Variants in SERBP1 observed in about 807,000 individuals in gnomAD.
SERBP1 encodes SERPINE1 mRNA-binding protein 1.
A neutral mutation model predicts 50.2 loss-of-function variants in SERBP1; 6 were observed. That is an observed-to-expected ratio of 0.12 (90% confidence interval 0.07 to 0.24). The LOEUF (loss-of-function observed/expected upper bound fraction) is 0.24, where lower values mean the gene tolerates loss of function less well. Among genes scored for constraint, SERBP1 ranks in the 10% least tolerant of loss-of-function variants. SERBP1 has a pLI of 1.00. For missense variants in SERBP1, 346 were observed against 524.9 expected (o/e 0.66, Z 3.33); for synonymous variants, 168 against 182.8 (o/e 0.92, Z 0.65).
Position 67,430,014 on chromosome 1 carries a change from T to G in SERBP1, c.287A>C (p.Gln96Pro). ...TTCTTTCTTAAGCGCCACGGGCGGC[T>G]GCGTCTCCTCTTTCTTGTCAACCAC... The part of the protein sequence containing the change: ...VGVVDKKEET[Q>P]PPVALKKEGI... Residue 96 changes from glutamine (Q) to proline (P), a missense_variant, in exon 1 of 8, where the codon CAG (glutamine) becomes CCG (proline). Physicochemically the swap from Gln to Pro is moderately conservative, Grantham distance 76. This residue lies in a region of SERBP1 where 257 missense variants were observed against 331.2 expected (regional missense o/e 0.78). Coordinates refer to ENST00000361219, the MANE Select transcript of SERBP1 (RefSeq NM_001018069.2). 7 of 1,611,160 alleles carry G rather than the reference T, an allele frequency of 4.3e-6. No homozygotes were observed. The highest frequency in any genetic ancestry group is 5.9e-6 in the Non-Finnish European group (7 of 1,178,688).
Position 67,430,158 on chromosome 1 carries a change from C to G in SERBP1, c.143G>C (p.Gly48Ala), listed in dbSNP as rs755268965. 6.2e-7 allele frequency: 1 copy of G among 1,610,948 alleles called. No homozygotes were observed. Among genetic ancestry groups the G allele is most frequent in the Admixed American group, 1.7e-5 (1 of 59,852 alleles). ...CTGAGCTGCGCTCTTGGCCCCAGGG[C>G]CCCCAACGCCGCCCCCGCCGGCTTC... ...KKEAGGGGVG[G>A]PGAKSAAQAA... is the part of the protein sequence containing the mutation. Residue 48 changes from glycine (G) to alanine (A), a missense_variant, in exon 1 of 8, where the codon GGC (glycine) becomes GCC (alanine). Gly to Ala is a moderately conservative substitution (Grantham distance 60). This residue lies in a region of SERBP1 where 257 missense variants were observed against 331.2 expected (regional missense o/e 0.78). Coordinates refer to ENST00000361219, the MANE Select transcript of SERBP1 (RefSeq NM_001018069.2).
intron 1 of SERBP1, among the ~76,000 whole-genome samples, chr1:67,426,781 G>T (rs1667398859): frequency 6.6e-6 from 1 of 151,870 alleles, no homozygotes; most frequent in Non-Finnish European, 1.5e-5. Context: ...TCACAAAAGT[G>T]AGGGCCGCAC....
Position 67,430,234 on chromosome 1 carries a change from C to T in SERBP1, c.67G>A (p.Asp23Asn), listed in dbSNP as rs1335686666. ...VTNRFDQLFD[D>N]ESDPFEVLKA... Reference sequence around the variant, plus strand: ...AGCACCTCGAAGGGGTCCGATTCGTCGTCAAATAACTGGTCGAATCGGTTG... The same window carrying T: ...AGCACCTCGAAGGGGTCCGATTCGTTGTCAAATAACTGGTCGAATCGGTTG... The change falls in exon 1 of 8, where the codon GAC (aspartate) becomes AAC (asparagine). Residue 23 changes from aspartate (D) to asparagine (N), a missense_variant. Coordinates refer to ENST00000361219, the MANE Select transcript of SERBP1 (RefSeq NM_001018069.2). 1.3e-6 allele frequency: 2 copies of T among 1,592,176 alleles called. No individual in the cohort carries two copies.
Position 67,408,790 on chromosome 1 carries a change from T to A in SERBP1, c.*4417A>T, listed in dbSNP as rs904804096. The stretch of plus-strand genomic sequence containing the variant: ...ATACACCCCTTAACAGCTTTCAAAA[T>A]ATATTTTATGTTGCAGGCTACCTAT... On this transcript the variant is annotated 3_prime_UTR_variant, in exon 8 of 8. Transcript: ENST00000361219. 6.6e-6 allele frequency: 1 copy of A among 152,160 alleles called. No homozygotes were observed. Among genetic ancestry groups the A allele is most frequent in the African/African-American group, 2.4e-5 (1 of 41,450 alleles). 9.4% of individuals were successfully genotyped at this position (152,160 alleles called of 1,614,324 possible). A position where few individuals can be genotyped will look rare whatever the true frequency, so the allele number is the denominator to read the frequency against.
rs747128793 is a variant in SERBP1, at chr1:67,430,305, G to A, written c.-5C>T. On this transcript the variant is annotated 5_prime_UTR_variant, in exon 1 of 8. Transcript: ENST00000361219. The stretch of plus-strand genomic sequence containing the variant: ...TTCCTGTAAGTGCCCAGGCATGATG[G>A]TGGCTCGGCGGCGCGTTCCTCCACG... The A allele has an allele frequency of 2.2e-5, 33 of 1,489,960 alleles. No individual in the cohort carries two copies. Among genetic ancestry groups the A allele is most frequent in the Non-Finnish European group, 2.9e-5 (33 of 1,121,160 alleles). 92.3% of individuals were successfully genotyped at this position (1,489,960 alleles called of 1,614,324 possible). A position where few individuals can be genotyped will look rare whatever the true frequency, so the allele number is the denominator to read the frequency against.
In SERBP1 at chr1:67,425,089, T is replaced by A; in HGVS notation, c.599A>T (p.Asp200Val). Residue 200 changes from aspartate to valine, a missense_variant, in exon 3 of 8, where the codon GAT becomes GTT. Around this residue, in one of 5 missense-constraint regions of SERBP1, gnomAD observed 257 missense variants for 331.2 expected, o/e 0.78. Coordinates refer to ENST00000361219, the MANE Select transcript of SERBP1 (RefSeq NM_001018069.2). ...AAAAACCAGTAAGACTTACGATCTA[T>A]CACTTCCACTATGCCTATCAAATTC... ...KREFDRHSGS[D>V]RSSFSHYSGL... 6.2e-7 allele frequency: 1 copy of A among 1,610,126 alleles called. No individual in the cohort carries two copies. Among genetic ancestry groups the A allele is most frequent in the Non-Finnish European group, 8.5e-7 (1 of 1,179,262 alleles).
At chr1:67,419,861 T>C (rs958887512) in intron 6 of SERBP1, 148 bp downstream of exon 6, 4 of 669,914 alleles carry the variant, frequency 6.0e-6, no homozygotes, top group Non-Finnish European at 1.0e-5. Flanking sequence ...TACAGTTTAT[T>C]TTCCTTATAA....
intron 1 of SERBP1, among the ~76,000 whole-genome samples, chr1:67,427,715 G>A (rs914766641): frequency 2.0e-5 from 3 of 152,256 alleles, no homozygotes; most frequent in East Asian, 3.9e-4. Context: ...AATAGTTGGC[G>A]TCCCCACCCA....
chr1:67,413,096 G>C lies in SERBP1; in HGVS notation c.*111C>G. ...TTCAGTCTTTAGGTGTGAATGGTAT[G>C]AATGACAGTCTTTTTTTTTTTAATT... On this transcript the variant is annotated 3_prime_UTR_variant, in exon 8 of 8. Coordinates refer to ENST00000361219, the MANE Select transcript of SERBP1 (RefSeq NM_001018069.2). 1 of 1,337,296 alleles carries C rather than the reference G, an allele frequency of 7.5e-7. No individual in the cohort carries two copies. The highest frequency in any genetic ancestry group is 1.5e-5 in the South Asian group (1 of 65,456). The allele number at this position is 1,337,296 out of a possible 1,614,324, so 82.8% of individuals were successfully genotyped here.
intron 5 of SERBP1, among the ~76,000 whole-genome samples, chr1:67,422,204 G>A (rs113916960): frequency 3.3e-5 from 5 of 152,168 alleles, no homozygotes; most frequent in Admixed American, 2.0e-4. Context: ...CACCATAAGA[G>A]CAAATTCTTT....
In SERBP1 at chr1:67,413,086, TG is replaced by T. The variant is rs1294876322; in HGVS notation, c.*120del. 1 of 1,281,488 alleles carries T rather than the reference TG, an allele frequency of 7.8e-7. No individual in the cohort carries two copies. The highest frequency in any genetic ancestry group is 3.6e-5 in the Admixed American group (1 of 27,902). 79.4% of individuals were successfully genotyped at this position (1,281,488 alleles called of 1,614,324 possible). On this transcript the variant is annotated 3_prime_UTR_variant, in exon 8 of 8. Transcript: ENST00000361219. The stretch of plus-strand genomic sequence containing the variant: ...ACAGATAAAATTCAGTCTTTAGGTG[TG>T]AATGGTATGAATGACAGTCTTTTTT...
intron 1 of SERBP1, among the ~76,000 whole-genome samples, chr1:67,428,508 C>G (rs1005958418): frequency 6.6e-6 from 1 of 152,114 alleles, no homozygotes; most frequent in African/African-American, 2.4e-5. Flanking sequence ...TAAATAATTA[C>G]ACAAGTCAGC....
At chr1:67,425,731 C>A (rs1420482531) in intron 2 of SERBP1, among the ~76,000 whole-genome samples, 1 of 152,216 alleles carries the variant, frequency 6.6e-6, no homozygotes, top group Non-Finnish European at 1.5e-5. Context: ...TAACAATGCA[C>A]ACATACAGAT....
Position 67,409,430 on chromosome 1 carries a change from C to CACACACACACACACACACACACACACACA in SERBP1, c.*3776_*3777insTGTGTGTGTGTGTGTGTGTGTGTGTGTGT, listed in dbSNP as rs1264200348. 2.7e-5 allele frequency: 4 copies of CACACACACACACACACACACACACACACA among 148,460 alleles called. 1 individual carries two copies. Among genetic ancestry groups the CACACACACACACACACACACACACACACA allele is most frequent in the African/African-American group, 1.0e-4 (4 of 39,058 alleles). 9.2% of individuals were successfully genotyped at this position (148,460 alleles called of 1,614,324 possible). The stretch of plus-strand genomic sequence containing the variant: ...ACACACACACACACACCCCCACACA[C>CACACACACACACACACACACACACACACA]ACCAGGTCACAGGCTGAACTTTGCT... On this transcript the variant is annotated 3_prime_UTR_variant, in exon 8 of 8. Transcript: ENST00000361219.
At chr1:67,414,430 C>T (rs1228023302) in intron 7 of SERBP1, among the ~76,000 whole-genome samples, 5 of 152,138 alleles carry the variant, frequency 3.3e-5, no homozygotes, top group Admixed American at 3.3e-4. Flanking sequence ...TGGTAAGTTA[C>T]CCCTGTAATC....
chr1:67,420,701 T>C (rs562348979), intron 5 of SERBP1: 2 of 152,508 alleles, frequency 1.3e-5, no homozygotes, highest in South Asian at 4.1e-4. Context: ...AACTAGCACT[T>C]AGAGCAAATC....
chr1:67,425,800 A>C (rs1667352188), intron 2 of SERBP1, among the ~76,000 whole-genome samples: 2 of 152,260 alleles, frequency 1.3e-5, no homozygotes, highest in South Asian at 4.1e-4. Context: ...AATTATGCCC[A>C]ATTTATAGCT....
In SERBP1 at chr1:67,407,969, A is replaced by C. The variant is rs1330869307; in HGVS notation, c.*5238T>G. On this transcript the variant is annotated 3_prime_UTR_variant, in exon 8 of 8. Coordinates refer to ENST00000361219, the MANE Select transcript of SERBP1 (RefSeq NM_001018069.2). ...CTAGGTATATAAAAACTGTTTCTTT[A>C]AATTAGAGATCTTTTTGGTCCTAAA... 1 of 152,228 alleles carries C rather than the reference A, an allele frequency of 6.6e-6. No homozygotes were observed. Among genetic ancestry groups the C allele is most frequent in the Non-Finnish European group, 1.5e-5 (1 of 68,034 alleles). 9.4% of individuals were successfully genotyped at this position (152,228 alleles called of 1,614,324 possible). A position where few individuals can be genotyped will look rare whatever the true frequency, so the allele number is the denominator to read the frequency against.
At chr1:67,428,226 C>T (rs1667451410) in intron 1 of SERBP1, among the ~76,000 whole-genome samples, 1 of 152,178 alleles carries the variant, frequency 6.6e-6, no homozygotes, top group African/African-American at 2.4e-5. Context: ...TGATTGCTAA[C>T]ATGGAATAGT....
Sources: allele counts gnomAD v4.1 joint callset (sites outside exome capture counted in the v4.1 genomes callset), GRCh38; gene constraint gnomAD v4.1.1; regional missense constraint gnomAD v4.1.1; transcripts MANE v1.5; gene names NCBI Gene and HGNC (gene_info 2026-07-23, HGNC 2026-07-21).